BAZ2B: variants seen among roughly 807,000 people sequenced by gnomAD.
The protein encoded by BAZ2B is bromodomain adjacent to zinc finger domain 2B, also known as bromodomain adjacent to zinc finger domain protein 2B.
A neutral mutation model predicts 246.0 loss-of-function variants in BAZ2B; 91 were observed. The observed-to-expected ratio is 0.37, with a 90% CI of 0.31 to 0.44. The LOEUF (loss-of-function observed/expected upper bound fraction) is 0.44, where lower values mean the gene tolerates loss of function less well. Among genes scored for constraint, BAZ2B ranks in the 20% least tolerant of loss-of-function variants. The pLI is 1.00. For missense variants in BAZ2B, 2,332 were observed against 2,533.7 expected, an observed-to-expected ratio of 0.92 and a Z score of 1.71; for synonymous variants, 855 against 860.0, an observed-to-expected ratio of 0.99 and a Z score of 0.10.
chr2:159,469,023 C>G (rs2077435667), intron 3 of BAZ2B, among the ~76,000 whole-genome samples: 1 of 146,064 alleles, frequency 6.8e-6, no homozygotes, highest in African/African-American at 2.5e-5. Flanking sequence ...TGCACTCAGC[C>G]CAGGCGTTAG....
At chr2:159,588,101 GA>G (rs1274331193) in intron 1 of BAZ2B, among the ~76,000 whole-genome samples, 1 of 151,324 alleles carries the variant, frequency 6.6e-6, no homozygotes, top group East Asian at 1.9e-4. Context: ...GGCTAAGGCA[GA>G]AGGATAGCTT....
At chr2:159,502,535 G>A (rs1333932119) in intron 2 of BAZ2B, among the ~76,000 whole-genome samples, 1 of 151,922 alleles carries the variant, frequency 6.6e-6, no homozygotes, top group Non-Finnish European at 1.5e-5. Flanking sequence ...TTGGGAGGCT[G>A]AGACAAGAGG....
chr2:159,634,858 A>T, the BAZ2B span, among the ~76,000 whole-genome samples: 4 of 152,204 alleles, frequency 2.6e-5, no homozygotes, highest in Admixed American at 6.5e-5. Context: ...AATGACTTAA[A>T]ATTACTTTTT....
chr2:159,415,969 T>C (rs1343103336), intron 13 of BAZ2B, among the ~76,000 whole-genome samples: 2 of 152,140 alleles, frequency 1.3e-5, no homozygotes, highest in African/African-American at 4.8e-5. Context: ...CTGAGTGAGG[T>C]TGAATAGACA....
At chr2:159,448,627 C>T (rs1046414241) in intron 4 of BAZ2B, among the ~76,000 whole-genome samples, 1 of 152,136 alleles carries the variant, frequency 6.6e-6, no homozygotes, top group Non-Finnish European at 1.5e-5. Flanking sequence ...CTTCACTTGG[C>T]AGCTTTGTAG....
intron 6 of BAZ2B, among the ~76,000 whole-genome samples, chr2:159,446,553 T>C (rs1175740491): frequency 1.3e-5 from 2 of 152,212 alleles, no homozygotes; most frequent in East Asian, 1.9e-4. Context: ...AAAAGTTATA[T>C]GAAAAGCAAT....
chr2:159,655,338 GTT>G, the BAZ2B span, among the ~76,000 whole-genome samples: 1 of 152,160 alleles, frequency 6.6e-6, no homozygotes, highest in African/African-American at 2.4e-5. Flanking sequence ...TTTGTTGTCA[GTT>G]CCCTCCATAA....
At chr2:159,378,476 T>C (rs1401079579) in intron 25 of BAZ2B, among the ~76,000 whole-genome samples, 1 of 152,136 alleles carries the variant, frequency 6.6e-6, no homozygotes, top group African/African-American at 2.4e-5. Flanking sequence ...CAAATTAAAG[T>C]GCTTCTTCAT....
At chr2:159,675,431 G>C in the BAZ2B span, among the ~76,000 whole-genome samples, 1 of 152,082 alleles carries the variant, frequency 6.6e-6, no homozygotes, top group Non-Finnish European at 1.5e-5. Flanking sequence ...GGTGAAGATA[G>C]GATATGAGGG....
chr2:159,510,297 G>A (rs2082785414), intron 2 of BAZ2B, among the ~76,000 whole-genome samples: 1 of 152,078 alleles, frequency 6.6e-6, no homozygotes, highest in Non-Finnish European at 1.5e-5. Context: ...CTGAGTAGCT[G>A]GGACCACAGG....
At chr2:159,378,648 G>A (rs1214376281) in intron 25 of BAZ2B, among the ~76,000 whole-genome samples, 6 of 152,120 alleles carry the variant, frequency 3.9e-5, no homozygotes, top group Non-Finnish European at 8.8e-5. Context: ...AACCTGAATA[G>A]ACATTTTTGC....
chr2:159,696,063 A>G, the BAZ2B span, among the ~76,000 whole-genome samples: 3 of 152,230 alleles, frequency 2.0e-5, no homozygotes, highest in South Asian at 4.1e-4. Context: ...CCTGGTCTAT[A>G]TATCTATCTT....
Position 159,433,045 on chromosome 2 carries a change from T to C in BAZ2B, c.1612A>G (p.Ser538Gly). 1 of 1,614,218 alleles carries C rather than the reference T, an allele frequency of 6.2e-7. No homozygotes were observed. The highest frequency in any genetic ancestry group is 2.2e-5 in the East Asian group (1 of 44,882). Residue 538 changes from serine to glycine, a missense_variant, in exon 9 of 37, where the codon AGT (serine) becomes GGT (glycine). Physicochemically the swap from Ser to Gly is moderately conservative, Grantham distance 56 (BLOSUM62 0). Around this residue, in one of 9 missense-constraint regions of BAZ2B, gnomAD observed 651 missense variants for 650.9 expected, o/e 1.00. Coordinates refer to ENST00000392783, the MANE Select transcript of BAZ2B (RefSeq NM_013450.4). The part of the protein sequence containing the change: ...STPFSSPVNL[S>G]TSGRRTPGNQ... The stretch of plus-strand genomic sequence containing the variant: ...CCAGGGGTTCTTCTCCCACTTGTAC[T>C]CAGATTTACAGGTGAGGAAAAAGGG...
intron 3 of BAZ2B, among the ~76,000 whole-genome samples, chr2:159,466,532 G>T (rs1295840849): frequency 1.3e-5 from 2 of 152,182 alleles, no homozygotes; most frequent in Admixed American, 1.3e-4. Context: ...ATTGTGAATA[G>T]TGCTATGGAG....
the BAZ2B span, among the ~76,000 whole-genome samples, chr2:159,698,994 T>A: frequency 3.3e-5 from 5 of 152,210 alleles, no homozygotes; most frequent in Non-Finnish European, 5.9e-5. Flanking sequence ...CAAAGCAACG[T>A]GTCTGCTCAT....
rs2063242547 is a variant in BAZ2B, at chr2:159,324,956, TA to T, written c.6210-3del. On this transcript the variant is annotated splice_region_variant and splice_polypyrimidine_tract_variant and intron_variant, in intron 35 of 36. Transcript: ENST00000392783. ...GTTTCCATTTCAGTCAGAATCATAC[TA>T]AAGAAAATAATGTTTGAAATCAGTA... is the stretch of plus-strand genomic sequence containing the variant. The T allele has an allele frequency of 6.6e-7, 1 of 1,508,026 alleles. No individual in the cohort carries two copies. The allele number at this position is 1,508,026 out of a possible 1,614,324, so 93.4% of individuals were successfully genotyped here. A position where few individuals can be genotyped will look rare whatever the true frequency, so the allele number is the denominator to read the frequency against.
At chr2:159,424,185 G>T (rs1209697312) in intron 13 of BAZ2B, among the ~76,000 whole-genome samples, 1 of 151,894 alleles carries the variant, frequency 6.6e-6, no homozygotes. Flanking sequence ...TAGCAACAAA[G>T]AAATTCTTAA....
In BAZ2B at chr2:159,395,825, G is replaced by C. The variant is rs373456282; in HGVS notation, c.3019C>G (p.Arg1007Gly). Residue 1007 changes from arginine to glycine, a missense_variant, in exon 20 of 37, where the codon CGA (arginine) becomes GGA (glycine). Around this residue, in one of 9 missense-constraint regions of BAZ2B, gnomAD observed 328 missense variants for 410.4 expected, o/e 0.80. Coordinates refer to ENST00000392783, the MANE Select transcript of BAZ2B (RefSeq NM_013450.4). ...ATAAGCATCATGTGTTGTCGCCTTCGCTCTCGTTCCTATTAGGCCAGATAA... is the reference window on the plus strand; with the variant it reads ...ATAAGCATCATGTGTTGTCGCCTTCCCTCTCGTTCCTATTAGGCCAGATAA... ...AVLLKHQERE[R>G]RRQHMMLMKA... 1.2e-6 allele frequency: 2 copies of C among 1,609,720 alleles called. No homozygotes were observed. The highest frequency in any genetic ancestry group is 1.7e-6 in the Non-Finnish European group (2 of 1,177,730).
chr2:159,592,194 T>C (rs979379149), intron 1 of BAZ2B, among the ~76,000 whole-genome samples: 5 of 152,212 alleles, frequency 3.3e-5, no homozygotes, highest in African/African-American at 7.2e-5. Flanking sequence ...TTCATATAGA[T>C]ATACTGCATA....
Sources: gnomAD v4.1 joint callset for allele counts (sites outside exome capture counted in the v4.1 genomes callset) on GRCh38, gnomAD v4.1.1 for gene constraint, gnomAD v4.1.1 regional missense constraint, MANE v1.5 for transcripts, NCBI Gene and HGNC (gene_info 2026-07-23, HGNC 2026-07-21) for gene names.